Variants in PTK2B observed in about 807,000 individuals in gnomAD.
PTK2B encodes the protein protein tyrosine kinase 2 beta, also known as protein-tyrosine kinase 2-beta.
A neutral mutation model predicts 142.9 loss-of-function variants in PTK2B; 71 were observed. That is an observed-to-expected ratio of 0.50 (90% CI 0.41 to 0.61). PTK2B has a LOEUF of 0.61. Among genes scored for constraint, PTK2B ranks in the 20% least tolerant of loss-of-function variants. The pLI is 0.00. For synonymous variants in PTK2B, 519 were observed against 503.4 expected, an observed-to-expected ratio of 1.03 and a Z score of -0.42; for missense variants, 1,105 against 1,320.4, an observed-to-expected ratio of 0.84 and a Z score of 2.53.
Position 27,332,921 on chromosome 8 carries a change from A to G in PTK2B, c.-38+7240A>G, listed in dbSNP as rs960935752. Among the ~76,000 whole-genome samples, 27 of 152,182 alleles carry G rather than the reference A, an allele frequency of 1.8e-4. 1 individual carries two copies. Among genetic ancestry groups the G allele is most frequent in the African/African-American group, 4.8e-4 (20 of 41,432 alleles). The stretch of plus-strand genomic sequence containing the variant: ...TATCTGTCCTCACAAAGTTTATAGT[A>G]TGGTAGGGGAGGCAATACATGAAGA... On this transcript the variant is annotated intron_variant, in intron 1 of 30. Coordinates refer to ENST00000346049, the MANE Select transcript of PTK2B (RefSeq NM_173176.3).
At chr8:27,431,250 G>A (rs1694931346) in intron 8 of PTK2B, 148 bp from the exon 9 acceptor site, 2 of 1,525,232 alleles carry the variant, frequency 1.3e-6, no homozygotes, top group South Asian at 1.3e-5. Flanking sequence ...GTCAGGAGGG[G>A]AAGATCCATA....
chr8:27,419,121 T>A (rs1809584834), intron 2 of PTK2B, among the ~76,000 whole-genome samples: 1 of 152,222 alleles, frequency 6.6e-6, no homozygotes, highest in African/African-American at 2.4e-5. Context: ...CACCTGTTAA[T>A]CCATCTCTGG....
In PTK2B at chr8:27,437,767, G is replaced by A. The variant is rs1421111898; in HGVS notation, c.1530G>A (p.Leu510=). The A allele has an allele frequency of 6.2e-7, 1 of 1,609,612 alleles. No individual in the cohort carries two copies. ...IIMELYPYGE[L]GHYLERNKNS... The stretch of plus-strand genomic sequence containing the variant: ...ATGGCACCTCCCCATTCCTGCAGCT[G>A]GGCCACTACCTGGAGCGGAACAAGA... The change falls in exon 18 of 31, where the codon CTG becomes CTA. Residue 510 remains leucine, a splice_region_variant and synonymous_variant. Coordinates refer to ENST00000346049, the MANE Select transcript of PTK2B (RefSeq NM_173176.3).
At chr8:27,321,238 C>A (rs916224199), upstream of PTK2B, among the ~76,000 whole-genome samples, 1 of 151,954 alleles carries the variant, frequency 6.6e-6, no homozygotes, top group Non-Finnish European at 1.5e-5. Context: ...TCAAGCAATC[C>A]TCCCACCTCA....
intron 5 of PTK2B, among the ~76,000 whole-genome samples, chr8:27,423,629 T>C (rs1310400274): frequency 6.6e-6 from 1 of 152,162 alleles, no homozygotes; most frequent in Non-Finnish European, 1.5e-5. Flanking sequence ...GCCTTATCTG[T>C]GACCTCATGG....
intron 28 of PTK2B, 101 bp from the exon 29 acceptor site, chr8:27,454,053 G>C (rs1811987519): frequency 6.8e-7 from 1 of 1,481,442 alleles, no homozygotes; most frequent in Admixed American, 1.8e-5. Flanking sequence ...TTTCCAATCG[G>C]GCTGGTGGTG....
chr8:27,437,978 A>G (rs1810898084), intron 18 of PTK2B, 98 bp downstream of exon 18: 4 of 1,073,296 alleles, frequency 3.7e-6, no homozygotes, highest in South Asian at 1.4e-5. Flanking sequence ...GACACAGAGC[A>G]GTGTTGGAAT....
At chr8:27,329,412 A>G (rs1325913556) in intron 1 of PTK2B, among the ~76,000 whole-genome samples, 1 of 152,088 alleles carries the variant, frequency 6.6e-6, no homozygotes, top group East Asian at 1.9e-4. Flanking sequence ...ATGTACCCCA[A>G]ATACTGCTAG....
chr8:27,411,643 G>A (rs182734895), intron 2 of PTK2B, among the ~76,000 whole-genome samples: 19 of 152,304 alleles, frequency 1.2e-4, no homozygotes, highest in African/African-American at 4.3e-4. Context: ...ACCCTCGTTT[G>A]TATGACTCCA....
Position 27,319,736 on chromosome 8 carries a change from C to G in PTK2B, c.-413-2666C>G, listed in dbSNP as rs185094531. On this transcript the variant is annotated intron_variant, in intron 3 of 35. Transcript: ENST00000397501. ...GCAATAGCAAGGAAATGCACATGTA[C>G]TTCTAGTTTTTCTAACATCCCATAA... Among the ~76,000 whole-genome samples the G allele has an allele frequency of 4.0e-5, 6 of 151,776 alleles. No homozygotes were observed. The East Asian group carries it at 1.2e-3, about 29-fold the overall frequency.
intron 1 of PTK2B, among the ~76,000 whole-genome samples, chr8:27,332,320 G>T (rs1483638014): frequency 1.3e-5 from 2 of 152,186 alleles, no homozygotes; most frequent in Non-Finnish European, 2.9e-5. Flanking sequence ...CCCTAATAGG[G>T]TAATGGAGAG....
rs1388429418 is a variant in PTK2B, at chr8:27,420,763, T to G, written c.471+19T>G. 2 of 1,590,864 alleles carry G rather than the reference T, an allele frequency of 1.3e-6. No individual in the cohort carries two copies. The highest frequency in any genetic ancestry group is 2.7e-5 in the African/African-American group (2 of 74,378). On this transcript the variant is annotated intron_variant, in intron 4 of 30. Coordinates refer to ENST00000346049, the MANE Select transcript of PTK2B (RefSeq NM_173176.3). ...CCAACAGGTAAAAAGTACTTTATCT[T>G]CTTGCCCCGAGGCTCCCATTACACC... is the stretch of plus-strand genomic sequence containing the variant.
At chr8:27,378,447 C>T (rs533123724) in intron 1 of PTK2B, among the ~76,000 whole-genome samples, 15 of 152,342 alleles carry the variant, frequency 9.8e-5, no homozygotes, top group Admixed American at 3.9e-4. Context: ...GTTGGAAGAA[C>T]GTCCCTCTCA....
chr8:27,329,667 T>G (rs140011288), intron 1 of PTK2B, among the ~76,000 whole-genome samples: 1 of 152,026 alleles, frequency 6.6e-6, no homozygotes, highest in South Asian at 2.1e-4. Context: ...GATGAAGAGT[T>G]TCCTTGTAGA....
At chr8:27,405,455 G>T (rs556948769) in intron 2 of PTK2B, among the ~76,000 whole-genome samples, 1 of 152,160 alleles carries the variant, frequency 6.6e-6, no homozygotes, top group African/African-American at 2.4e-5. Flanking sequence ...ACCCTAGAGA[G>T]AATAAAATGG....
chr8:27,413,594 G>C (rs1809201032), intron 2 of PTK2B, among the ~76,000 whole-genome samples: 1 of 152,206 alleles, frequency 6.6e-6, no homozygotes, highest in Non-Finnish European at 1.5e-5. Context: ...CAGCAACCTT[G>C]CTGCTCTCTT....
intron 2 of PTK2B, among the ~76,000 whole-genome samples, chr8:27,413,178 A>G (rs1224721903): frequency 1.3e-5 from 2 of 152,176 alleles, no homozygotes; most frequent in African/African-American, 4.8e-5. Context: ...AAATATGCCC[A>G]TTATCGTTAT....
At chr8:27,393,023 C>T (rs116692915) in intron 1 of PTK2B, among the ~76,000 whole-genome samples, 2,249 of 152,250 alleles carry the variant, frequency 0.015, 58 homozygotes, top group African/African-American at 0.05. Flanking sequence ...GAGTTTGTGC[C>T]GCCCTTAGGG....
At chr8:27,348,109 C>G (rs1178495772) in intron 1 of PTK2B, among the ~76,000 whole-genome samples, 2 of 152,176 alleles carry the variant, frequency 1.3e-5, no homozygotes, top group Admixed American at 1.3e-4. Flanking sequence ...AGTAAAACGA[C>G]CTCCAGATAA....
Sources: gnomAD v4.1 joint callset for allele counts (sites outside exome capture counted in the v4.1 genomes callset) on GRCh38, gnomAD v4.1.1 for gene constraint, MANE v1.5 for transcripts, NCBI Gene and HGNC (gene_info 2026-07-23, HGNC 2026-07-21) for gene names.